Variants in EYS observed in about 807,000 individuals in gnomAD.
EYS encodes the protein protein eyes shut homolog.
EYS carries 250 observed loss-of-function variants against 282.1 expected under a neutral mutation model. The observed-to-expected ratio is 0.89, with a 90% CI of 0.80 to 0.98. EYS has a LOEUF of 0.98. Ranked by LOEUF, EYS falls within the 50% of genes least tolerant of loss-of-function variation. The pLI, the probability that EYS is intolerant of heterozygous loss-of-function variation, is 0.00. For missense variants in EYS, 4,016 were observed against 3,709.0 expected, an observed-to-expected ratio of 1.08 and a Z score of -2.15; for synonymous variants, 1,355 against 1,282.9, an observed-to-expected ratio of 1.06 and a Z score of -1.20.
intron 5 of EYS, among the ~76,000 whole-genome samples, chr6:65,458,984 A>T: frequency 6.6e-6 from 1 of 152,264 alleles, no homozygotes; most frequent in East Asian, 1.9e-4. Context: ...AATCTTACAA[A>T]AAATTTAATT....
intron 41 of EYS, 107 bp from the exon 42 acceptor site, chr6:63,726,787 T>A: frequency 9.4e-7 from 1 of 1,066,784 alleles, no homozygotes; most frequent in Non-Finnish European, 1.4e-6. Flanking sequence ...TCAGGATTTA[T>A]CGCCCAAGAG....
chr6:65,346,002 T>A (rs529521727), intron 9 of EYS, among the ~76,000 whole-genome samples: 3 of 151,934 alleles, frequency 2.0e-5, no homozygotes, highest in Non-Finnish European at 2.9e-5. Flanking sequence ...CTCTCCCAAC[T>A]CAGTGATCCA....
chr6:65,443,531 AT>A, intron 5 of EYS, among the ~76,000 whole-genome samples: 1 of 151,784 alleles, frequency 6.6e-6, no homozygotes, highest in South Asian at 2.1e-4. Context: ...GTATATACAT[AT>A]ACTTATGGAC....
At chr6:65,030,765 A>G (rs886489819) in intron 13 of EYS, among the ~76,000 whole-genome samples, 2 of 152,204 alleles carry the variant, frequency 1.3e-5, no homozygotes, top group Admixed American at 1.3e-4. Flanking sequence ...CTGCGTAACA[A>G]CAAACAACAA....
chr6:63,800,795 A>T (rs1770766065), intron 37 of EYS, among the ~76,000 whole-genome samples: 1 of 152,188 alleles, frequency 6.6e-6, no homozygotes, highest in Non-Finnish European at 1.5e-5. Flanking sequence ...ACAGAGCGAG[A>T]CTCCGTCTCA....
At chr6:64,168,190 G>A (rs1016780945) in intron 31 of EYS, among the ~76,000 whole-genome samples, 1 of 152,188 alleles carries the variant, frequency 6.6e-6, no homozygotes, top group Non-Finnish European at 1.5e-5. Flanking sequence ...GAACCCGGGA[G>A]GGGGAGCTTG....
At chr6:64,223,857 A>G (rs1256341299) in intron 31 of EYS, among the ~76,000 whole-genome samples, 1 of 152,066 alleles carries the variant, frequency 6.6e-6, no homozygotes, top group Non-Finnish European at 1.5e-5. Flanking sequence ...CATACTTCCC[A>G]GTGTGCATGC....
At chr6:64,562,632 G>A (rs565293689) in intron 26 of EYS, among the ~76,000 whole-genome samples, 1 of 151,934 alleles carries the variant, frequency 6.6e-6, no homozygotes, top group African/African-American at 2.4e-5. Flanking sequence ...TTATTAGAGA[G>A]AGAAAGAGAT....
intron 26 of EYS, among the ~76,000 whole-genome samples, chr6:64,548,028 C>A (rs1216589249): frequency 6.6e-6 from 1 of 152,208 alleles, no homozygotes; most frequent in Non-Finnish European, 1.5e-5. Flanking sequence ...AGCCCTGGTT[C>A]CCGCCTGCGC....
intron 31 of EYS, among the ~76,000 whole-genome samples, chr6:64,190,077 G>A (rs1765057121): frequency 6.6e-6 from 1 of 152,076 alleles, no homozygotes; most frequent in Non-Finnish European, 1.5e-5. Context: ...TTTCTATTCT[G>A]GTGAATCAAA....
At chr6:64,452,545 T>G (rs1371026398) in intron 26 of EYS, among the ~76,000 whole-genome samples, 1 of 152,038 alleles carries the variant, frequency 6.6e-6, no homozygotes, top group Non-Finnish European at 1.5e-5. Context: ...GAGCCCGCAT[T>G]GCCAAGTCAA....
intron 15 of EYS, among the ~76,000 whole-genome samples, chr6:64,917,298 C>T (rs1183188221): frequency 6.6e-6 from 1 of 151,058 alleles, no homozygotes; most frequent in Non-Finnish European, 1.5e-5. Flanking sequence ...TAATAAATGT[C>T]AATTTCTAAT....
chr6:64,443,795 G>A (rs1582759608), intron 26 of EYS, among the ~76,000 whole-genome samples: 2 of 152,088 alleles, frequency 1.3e-5, no homozygotes, highest in Admixed American at 1.3e-4. Flanking sequence ...ATGATTGTGA[G>A]GCCTCCCCAG....
chr6:64,794,211 A>G (rs1014611540), intron 22 of EYS, among the ~76,000 whole-genome samples: 1 of 152,248 alleles, frequency 6.6e-6, no homozygotes, highest in African/African-American at 2.4e-5. Context: ...AATTGAAATT[A>G]GGATCTCAAA....
At chr6:64,676,604 A>T (rs888883829) in intron 22 of EYS, among the ~76,000 whole-genome samples, 2 of 152,158 alleles carry the variant, frequency 1.3e-5, no homozygotes. Flanking sequence ...CATTTTGTAT[A>T]TATATGTTGT....
At position 65,382,459 on chromosome 6, in the gene EYS, G is replaced by GTGTGTGTGTGTGTGTC. The variant is rs1554190268; in HGVS notation, c.1299+1926_1299+1927insGACACACACACACACA. On this transcript the variant is annotated intron_variant, in intron 8 of 42. Coordinates refer to ENST00000503581, the MANE Select transcript of EYS (RefSeq NM_001142800.2). The stretch of plus-strand genomic sequence containing the variant: ...CTATCTTTGAAGTCTCCTTTCCTCT[G>GTGTGTGTGTGTGTGTC]TGTGTGTGTGTGTGTGTGTGTGTGT... Among the ~76,000 whole-genome samples, 5 of 102,734 alleles carry GTGTGTGTGTGTGTGTC rather than the reference G, an allele frequency of 4.9e-5. 1 individual carries two copies. The highest frequency in any genetic ancestry group is 7.8e-5 in the Non-Finnish European group (4 of 51,592). The allele number at this position is 102,734 out of a possible 152,430, so 67.4% of individuals were successfully genotyped here. A position where few individuals can be genotyped will look rare whatever the true frequency, so the allele number is the denominator to read the frequency against.
intron 31 of EYS, among the ~76,000 whole-genome samples, chr6:64,185,342 T>C (rs2150313735): frequency 6.6e-6 from 1 of 150,548 alleles, no homozygotes; most frequent in East Asian, 2.0e-4. Flanking sequence ...TAAAAAAGCT[T>C]TATCAGAAAG....
rs575595500 is a variant in EYS, at chr6:65,341,520, C to A, written c.1599+2518G>T. Among the ~76,000 whole-genome samples, 99 of 151,296 alleles carry A rather than the reference C, an allele frequency of 6.5e-4. 1 individual carries two copies. Among genetic ancestry groups the A allele is most frequent in the Middle Eastern group, 3.4e-3 (1 of 292 alleles). On this transcript the variant is annotated intron_variant, in intron 10 of 42. Coordinates refer to ENST00000503581, the MANE Select transcript of EYS (RefSeq NM_001142800.2). The stretch of plus-strand genomic sequence containing the variant: ...AATAGAACAAAAAGGGAAAAATCCT[C>A]ATGAGGAGATTCTCTGTCCTGTATA...
intron 35 of EYS, among the ~76,000 whole-genome samples, chr6:63,916,763 G>A (rs762389604): frequency 3.3e-5 from 5 of 152,044 alleles, no homozygotes; most frequent in African/African-American, 4.8e-5. Context: ...TGTTATGTCC[G>A]ATTTGCTGTT....
Sources: gnomAD v4.1 joint callset for allele counts (sites outside exome capture counted in the v4.1 genomes callset) on GRCh38, gnomAD v4.1.1 for gene constraint, MANE v1.5 for transcripts, NCBI Gene and HGNC (gene_info 2026-07-23, HGNC 2026-07-21) for gene names.